The following PPM1H variants were observed in gnomAD, a reference collection of about 807,000 sequenced individuals.
PPM1H encodes protein phosphatase 1H.
A neutral mutation model predicts 54.9 loss-of-function variants in PPM1H; 27 were observed. The observed-to-expected ratio is 0.49, with a 90% CI of 0.36 to 0.68. PPM1H has a LOEUF of 0.68. PPM1H is among the 30% of genes least tolerant of loss of function. The probability of loss-of-function intolerance (pLI) is 0.00; values close to 1 mark genes in which losing one functional copy is unlikely to be tolerated. For missense variants in PPM1H, 596 were observed against 667.8 expected (o/e 0.89, Z 1.19); for synonymous variants, 305 against 270.8 (o/e 1.13, Z -1.24).
intron 2 of PPM1H, among the ~76,000 whole-genome samples, chr12:62,804,666 C>CTTTTTTTTTTT: frequency 7.4e-6 from 1 of 134,284 alleles, no homozygotes; most frequent in Non-Finnish European, 1.6e-5. Flanking sequence ...TGGTTAATTT[C>CTTTTTTTTTTT]TTTTTTTTTC....
chr12:62,707,162 T>C (rs956966250), intron 6 of PPM1H, among the ~76,000 whole-genome samples: 2 of 152,190 alleles, frequency 1.3e-5, no homozygotes. Context: ...TTAAATGCCC[T>C]GGGCAGCATG....
chr12:62,788,395 C>T (rs961300449), intron 3 of PPM1H, 57 bp from the exon 4 acceptor site: 1 of 1,112,488 alleles, frequency 9.0e-7, no homozygotes, highest in African/African-American at 1.5e-5. Flanking sequence ...CAAAAGCTTT[C>T]TCACTTTCAT....
chr12:62,651,129 T>A (rs563240758), intron 9 of PPM1H, among the ~76,000 whole-genome samples: 3 of 152,218 alleles, frequency 2.0e-5, no homozygotes, highest in South Asian at 4.2e-4. Flanking sequence ...ACATAGAAAA[T>A]TATGGTATGC....
intron 6 of PPM1H, among the ~76,000 whole-genome samples, chr12:62,708,181 A>G (rs139162498): frequency 6.6e-6 from 1 of 152,314 alleles, no homozygotes; most frequent in African/African-American, 2.4e-5. Context: ...GCTCTCCAGC[A>G]AGGAACAGAC....
intron 2 of PPM1H, among the ~76,000 whole-genome samples, chr12:62,823,546 C>T (rs903103860): frequency 3.3e-5 from 5 of 152,160 alleles, no homozygotes; most frequent in African/African-American, 1.2e-4. Context: ...AAAGCTTATC[C>T]ACCATGATCA....
rs781276342 is a variant in PPM1H, at chr12:62,788,231, A to G, written c.864T>C (p.Asp288=). 9 of 1,582,146 alleles carry G rather than the reference A, an allele frequency of 5.7e-6. No individual in the cohort carries two copies. In the East Asian group the frequency reaches 1.1e-4, roughly 20 times the overall value. ...LGKLYVANAG[D]SRAIIIRNGE... The stretch of plus-strand genomic sequence containing the variant: ...CAGACAGCTCATCTGCTTACCTGCT[A>G]TCCCCAGCATTTGCAACATACAGCT... The change falls in exon 4 of 10, where the codon GAT becomes GAC. Residue 288 remains aspartate, a synonymous_variant. Coordinates refer to ENST00000228705, the MANE Select transcript of PPM1H (RefSeq NM_020700.2).
chr12:62,755,224 A>C, intron 4 of PPM1H: 1 of 690,862 alleles, frequency 1.4e-6, no homozygotes, highest in South Asian at 1.4e-5. Context: ...CTGAGACACT[A>C]CGGTGAAGGT....
chr12:62,840,319 G>A, intron 1 of PPM1H: 1 of 152,024 alleles, frequency 6.6e-6, no homozygotes, highest in East Asian at 1.9e-4. Context: ...CATTCATGAG[G>A]GCTCCATCCT....
chr12:62,658,056 CAAAAAA>C (rs34769800), intron 9 of PPM1H, among the ~76,000 whole-genome samples: 9 of 107,324 alleles, frequency 8.4e-5, no homozygotes, highest in Non-Finnish European at 1.7e-4. Flanking sequence ...ATCCAGGTTA[CAAAAAA>C]AAAAAAAAAA....
chr12:62,702,497 T>C (rs539468087), intron 6 of PPM1H, among the ~76,000 whole-genome samples: 4 of 149,904 alleles, frequency 2.7e-5, no homozygotes, highest in African/African-American at 9.9e-5. Context: ...TCAACATAAA[T>C]CACTTCCCAC....
At chr12:62,912,237 C>CT (rs1248529823) in intron 1 of PPM1H, among the ~76,000 whole-genome samples, 1 of 152,242 alleles carries the variant, frequency 6.6e-6, no homozygotes, top group Non-Finnish European at 1.5e-5. Flanking sequence ...ACAGTCCCAA[C>CT]TTACTGCCTA....
intron 4 of PPM1H, chr12:62,756,166 A>G (rs1212751188): frequency 1.2e-6 from 1 of 844,728 alleles, no homozygotes; most frequent in Non-Finnish European, 2.0e-6. Context: ...ATTTCCTGGT[A>G]TGACAATGAA....
chr12:62,917,270 C>T (rs1291544141), intron 1 of PPM1H, among the ~76,000 whole-genome samples: 1 of 152,232 alleles, frequency 6.6e-6, no homozygotes, highest in East Asian at 1.9e-4. Context: ...AGCTCTGTGC[C>T]AAGTGGCAGC....
Position 62,764,904 on chromosome 12 carries a change from G to A in PPM1H, c.869+23322C>T, listed in dbSNP as rs953331458. Among the ~76,000 whole-genome samples, 8 of 152,320 alleles carry A rather than the reference G, an allele frequency of 5.3e-5. No individual in the cohort carries two copies. In the East Asian group the frequency reaches 5.8e-4, roughly 11 times the overall value. On this transcript the variant is annotated intron_variant, in intron 4 of 9. Coordinates refer to ENST00000228705, the MANE Select transcript of PPM1H (RefSeq NM_020700.2). Reference sequence around the variant, plus strand: ...GAAGGCCGCATGGTGGCGGATGCTCGGCCTGTGTGAGGAGCTGGACAAAGC... The same window carrying A: ...GAAGGCCGCATGGTGGCGGATGCTCAGCCTGTGTGAGGAGCTGGACAAAGC...
chr12:62,749,011 T>C (rs2076427248), intron 4 of PPM1H, among the ~76,000 whole-genome samples: 1 of 152,184 alleles, frequency 6.6e-6, no homozygotes, highest in Non-Finnish European at 1.5e-5. Context: ...GTTACTACTT[T>C]TCTTCTCAGG....
At chr12:62,723,188 T>G (rs1224205168) in intron 5 of PPM1H, among the ~76,000 whole-genome samples, 1 of 152,010 alleles carries the variant, frequency 6.6e-6, no homozygotes. Context: ...CCGTCCAGCA[T>G]CACAAGAGAG....
At position 62,648,185 on chromosome 12, in the gene PPM1H, A is replaced by G. The variant is rs143778683; in HGVS notation, c.*304T>C. Reference sequence around the variant, plus strand: ...GGCTGCCCCAGCTACTCTAGATAAAATAAATATGACATATATACCCCAAAT... The same window carrying G: ...GGCTGCCCCAGCTACTCTAGATAAAGTAAATATGACATATATACCCCAAAT... On this transcript the variant is annotated 3_prime_UTR_variant, in exon 10 of 10. Coordinates refer to ENST00000228705, the MANE Select transcript of PPM1H (RefSeq NM_020700.2). 5.7e-3 allele frequency: 1,347 copies of G among 237,878 alleles called. 23 individuals carry two copies. Among genetic ancestry groups the G allele is most frequent in the African/African-American group, 0.026 (1,217 of 46,032 alleles). The allele number at this position is 237,878 out of a possible 1,614,324, so 14.7% of individuals were successfully genotyped here. A position where few individuals can be genotyped will look rare whatever the true frequency, so the allele number is the denominator to read the frequency against.
chr12:62,655,948 G>A (rs1336817440), intron 9 of PPM1H, among the ~76,000 whole-genome samples: 3 of 152,222 alleles, frequency 2.0e-5, no homozygotes, highest in African/African-American at 7.2e-5. Context: ...GATCAGACTT[G>A]GCAAACTCCA....
intron 1 of PPM1H, among the ~76,000 whole-genome samples, chr12:62,884,791 G>A (rs1870527830): frequency 2.0e-5 from 3 of 152,152 alleles, no homozygotes; most frequent in Admixed American, 6.5e-5. Context: ...GCATGGTAGA[G>A]TTGAATCTCA....
Sources: allele counts gnomAD v4.1 joint callset (sites outside exome capture counted in the v4.1 genomes callset), GRCh38; gene constraint gnomAD v4.1.1; transcripts MANE v1.5; gene names NCBI Gene and HGNC (gene_info 2026-07-23, HGNC 2026-07-21).